The following SLCO3A1 variants were observed in gnomAD, a reference collection of about 807,000 sequenced individuals.
SLCO3A1 encodes the protein solute carrier organic anion transporter family member 3A1, also known as PGE1 transporter.
In SLCO3A1, 27 loss-of-function variants were observed where a neutral mutation model predicts 63.1. The observed-to-expected ratio is 0.43, with a 90% CI of 0.32 to 0.59. SLCO3A1 has a LOEUF of 0.59. Among genes scored for constraint, SLCO3A1 ranks in the 20% least tolerant of loss-of-function variants. The probability of loss-of-function intolerance (pLI) is 0.09; values close to 1 mark genes in which losing one functional copy is unlikely to be tolerated. For missense variants in SLCO3A1, 773 were observed against 945.8 expected (o/e 0.82, Z 2.40); for synonymous variants, 473 against 409.9 (o/e 1.15, Z -1.86).
At position 91,859,671 on chromosome 15, in the gene SLCO3A1, T is replaced by G. The variant is rs1459334097; in HGVS notation, c.180+5583T>G. Among the ~76,000 whole-genome samples, 2 of 152,202 alleles carry G rather than the reference T, an allele frequency of 1.3e-5. No homozygotes were observed. Among genetic ancestry groups the G allele is most frequent in the Non-Finnish European group, 2.9e-5 (2 of 68,034 alleles). On this transcript the variant is annotated intron_variant, in intron 1 of 9. Transcript: ENST00000318445. This position sits in a 1 kb window ranked among gnomAD's most constrained non-coding sequence, Gnocchi z 5.1. Reference sequence around the variant, plus strand: ...GTACCTCAATTTTTCATTTTATAACTGGGGTTATAATAGTACCTACCCTCT... The same window carrying G: ...GTACCTCAATTTTTCATTTTATAACGGGGGTTATAATAGTACCTACCCTCT...
chr15:92,139,520 T>C lies in SLCO3A1; in HGVS notation c.1513-7464T>C, dbSNP rs559826754. Among the ~76,000 whole-genome samples the C allele has an allele frequency of 7.5e-3, 1,145 of 152,126 alleles. 5 individuals carry two copies. Among genetic ancestry groups the C allele is most frequent in the Non-Finnish European group, 0.011 (732 of 67,930 alleles). On this transcript the variant is annotated intron_variant, in intron 7 of 9. Coordinates refer to ENST00000318445, the MANE Select transcript of SLCO3A1 (RefSeq NM_013272.4). ...TGAGTTAGGGAGGATTCCCTCTTTTTCTATTGATTGGAATAGTTTCAGAAG... is the reference window on the plus strand; with the variant it reads ...TGAGTTAGGGAGGATTCCCTCTTTTCCTATTGATTGGAATAGTTTCAGAAG...
chr15:92,126,736 G>A (rs1243478171), intron 6 of SLCO3A1, among the ~76,000 whole-genome samples: 2 of 152,142 alleles, frequency 1.3e-5, no homozygotes, highest in Non-Finnish European at 2.9e-5. Context: ...AGGAAGAGAA[G>A]GAAGTTAGTT....
Position 91,916,586 on chromosome 15 carries a change from G to A in SLCO3A1, c.646+128G>A. 1 of 697,124 alleles carries A rather than the reference G, an allele frequency of 1.4e-6. No homozygotes were observed. Among genetic ancestry groups the A allele is most frequent in the Non-Finnish European group, 2.3e-6 (1 of 429,966 alleles). 43.2% of individuals were successfully genotyped at this position (697,124 alleles called of 1,614,324 possible). A position where few individuals can be genotyped will look rare whatever the true frequency, so the allele number is the denominator to read the frequency against. ...ACTTGGCTGCACACCTAGTGTTCTT[G>A]AAAAATACTCATGCCTGGGGGTGCA... On this transcript the variant is annotated intron_variant, in intron 2 of 9. Coordinates refer to ENST00000318445, the MANE Select transcript of SLCO3A1 (RefSeq NM_013272.4). The surrounding 1 kb of genome is among the most constrained non-coding windows in gnomAD (Gnocchi z 6.2).
intron 2 of SLCO3A1, among the ~76,000 whole-genome samples, chr15:92,027,164 A>T (rs1279607525): frequency 6.6e-6 from 1 of 152,156 alleles, no homozygotes; most frequent in South Asian, 2.1e-4. Flanking sequence ...GGGAGTTGTC[A>T]TGAGCTCTCT....
At chr15:92,143,568 C>G (rs1288491032) in intron 7 of SLCO3A1, among the ~76,000 whole-genome samples, 3 of 128,800 alleles carry the variant, frequency 2.3e-5, no homozygotes, top group Non-Finnish European at 4.7e-5. Context: ...CCACAGTGGT[C>G]TCTGTCTTCA....
Position 92,072,205 on chromosome 15 carries a change from T to G in SLCO3A1, c.647-22676T>G, listed in dbSNP as rs534253884. Reference sequence around the variant, plus strand: ...GTAACCACCATTCTTTTTTTTGGTTTTTTTTTTTTTTCCTCACTGGCTAAT... The same window carrying G: ...GTAACCACCATTCTTTTTTTTGGTTGTTTTTTTTTTTCCTCACTGGCTAAT... On this transcript the variant is annotated intron_variant, in intron 2 of 9. Transcript: ENST00000318445. Among the ~76,000 whole-genome samples the G allele has an allele frequency of 3.1e-4, 47 of 151,976 alleles. No individual in the cohort carries two copies. The East Asian group carries it at 6.6e-3, about 21-fold the overall frequency.
chr15:91,959,723 C>CAAAAAAA (rs34759500), intron 2 of SLCO3A1, among the ~76,000 whole-genome samples: 9 of 71,980 alleles, frequency 1.3e-4, no homozygotes, highest in African/African-American at 2.2e-4. Context: ...GACTCCATCT[C>CAAAAAAA]AAAAAAAAAA....
Position 92,164,467 on chromosome 15 carries a change from T to C in SLCO3A1, c.*1332T>C. 1.0e-6 allele frequency: 1 copy of C among 985,464 alleles called. No individual in the cohort carries two copies. The highest frequency in any genetic ancestry group is 1.2e-6 in the Non-Finnish European group (1 of 829,926). 61.0% of individuals were successfully genotyped at this position (985,464 alleles called of 1,614,324 possible). On this transcript the variant is annotated 3_prime_UTR_variant, in exon 10 of 10. Coordinates refer to ENST00000318445, the MANE Select transcript of SLCO3A1 (RefSeq NM_013272.4). ...ATCACTGTCACGGGAAACCCTTTTA[T>C]ATTCATGCTTGACATTCCAAGAGGC...
chr15:91,904,324 G>A (rs59900501), intron 1 of SLCO3A1, among the ~76,000 whole-genome samples: 20,214 of 152,166 alleles, frequency 0.13, 1,541 homozygotes, highest in East Asian at 0.32. Flanking sequence ...TTACTCCTGG[G>A]GGAGCGAGAC....
chr15:92,006,885 C>T (rs1051549194), intron 2 of SLCO3A1, among the ~76,000 whole-genome samples: 1 of 152,212 alleles, frequency 6.6e-6, no homozygotes, highest in Non-Finnish European at 1.5e-5. Context: ...TTAGCAATGT[C>T]TCCCTTTATT....
intron 2 of SLCO3A1, among the ~76,000 whole-genome samples, chr15:92,004,630 A>G (rs1367643898): frequency 6.6e-6 from 1 of 152,210 alleles, no homozygotes; most frequent in African/African-American, 2.4e-5. Context: ...CTGTGTATCA[A>G]CAAAATCTCC....
chr15:92,153,144 T>G (rs993646312), intron 9 of SLCO3A1, among the ~76,000 whole-genome samples: 1 of 152,158 alleles, frequency 6.6e-6, no homozygotes, highest in African/African-American at 2.4e-5. Flanking sequence ...CCTAGAATAG[T>G]GTTTTTCAAC....
intron 7 of SLCO3A1, among the ~76,000 whole-genome samples, chr15:92,131,033 CA>C (rs1268279312): frequency 1.3e-5 from 2 of 152,228 alleles, no homozygotes; most frequent in East Asian, 3.9e-4. Context: ...CCCACGGCCT[CA>C]ACCCTGTGTA....
chr15:91,893,771 T>C (rs1179052192), intron 1 of SLCO3A1, among the ~76,000 whole-genome samples: 1 of 152,236 alleles, frequency 6.6e-6, no homozygotes, highest in Admixed American at 6.5e-5. Flanking sequence ...TTTTCTTCTA[T>C]TTATCCATCT....
chr15:91,873,875 C>T (rs770874951), intron 1 of SLCO3A1, among the ~76,000 whole-genome samples: 9 of 152,160 alleles, frequency 5.9e-5, no homozygotes, highest in Non-Finnish European at 8.8e-5. Context: ...CAAGATCATA[C>T]ATTTCATTTG....
intron 2 of SLCO3A1, among the ~76,000 whole-genome samples, chr15:92,051,281 A>G (rs1284591170): frequency 6.6e-6 from 1 of 152,128 alleles, no homozygotes; most frequent in African/African-American, 2.4e-5. Flanking sequence ...ATTTCATCAG[A>G]GGCAACAGCA....
chr15:92,149,047 A>G (rs1302371772), intron 8 of SLCO3A1: 4 of 152,316 alleles, frequency 2.6e-5, no homozygotes, highest in African/African-American at 9.6e-5. Flanking sequence ...TTCATACACT[A>G]AAGGCATTGG....
intron 1 of SLCO3A1, among the ~76,000 whole-genome samples, chr15:91,880,395 C>CTGTG (rs71156619): frequency 0.018 from 1,574 of 89,938 alleles, 25 homozygotes; most frequent in Middle Eastern, 0.05. Context: ...CTCTCTCTCT[C>CTGTG]TCTCTCTCTC....
chr15:92,057,292 T>C (rs1296344248), intron 2 of SLCO3A1, among the ~76,000 whole-genome samples: 1 of 152,178 alleles, frequency 6.6e-6, no homozygotes, highest in East Asian at 1.9e-4. Context: ...TGGCAGCCCG[T>C]CATTTCACTG....
Sources: gnomAD v4.1 joint callset for allele counts (sites outside exome capture counted in the v4.1 genomes callset) on GRCh38, gnomAD v4.1.1 for gene constraint, Gnocchi (gnomAD v3.1) non-coding constraint, MANE v1.5 for transcripts, NCBI Gene and HGNC (gene_info 2026-07-23, HGNC 2026-07-21) for gene names.